The following PGM5 variants were observed in gnomAD, a reference collection of about 807,000 sequenced individuals.
The protein encoded by PGM5 is phosphoglucomutase 5.
Under a neutral mutation model 59.2 loss-of-function variants are expected in PGM5, and 23 were observed. That is an observed-to-expected ratio of 0.39 (90% CI 0.28 to 0.55). The LOEUF (loss-of-function observed/expected upper bound fraction) is 0.55, where lower values mean the gene tolerates loss of function less well. Ranked by LOEUF, PGM5 falls within the 20% of genes least tolerant of loss-of-function variation. The probability of loss-of-function intolerance (pLI) is 0.66; values close to 1 mark genes in which losing one functional copy is unlikely to be tolerated. For synonymous variants in PGM5, 214 were observed against 286.0 expected (o/e 0.75, Z 2.54); for missense variants, 574 against 748.3 (o/e 0.77, Z 2.72).
intron 6 of PGM5, among the ~76,000 whole-genome samples, chr9:68,415,920 TC>T (rs1265893558): frequency 6.6e-6 from 1 of 151,600 alleles, no homozygotes; most frequent in Non-Finnish European, 1.5e-5. Context: ...AATCCCATCC[TC>T]TTTCAGAATA....
At chr9:68,459,795 T>A (rs1823830607) in intron 6 of PGM5, among the ~76,000 whole-genome samples, 2 of 152,248 alleles carry the variant, frequency 1.3e-5, no homozygotes, top group African/African-American at 4.8e-5. Context: ...ATATGCTAAT[T>A]GTTATTTGAA....
At chr9:68,359,147 A>G (rs1554676062) in intron 1 of PGM5, among the ~76,000 whole-genome samples, 1 of 152,124 alleles carries the variant, frequency 6.6e-6, no homozygotes, top group African/African-American at 2.4e-5. Context: ...ATTATGTCTT[A>G]TTATTTCTTG....
intron 9 of PGM5, chr9:68,496,841 C>T (rs1264522369): frequency 6.6e-6 from 1 of 152,162 alleles, no homozygotes; most frequent in African/African-American, 2.4e-5. Context: ...AGGGTTGAGT[C>T]TGGGGGCTCA....
intron 10 of PGM5, among the ~76,000 whole-genome samples, chr9:68,501,128 G>A (rs1255458161): frequency 3.9e-5 from 6 of 152,136 alleles, no homozygotes; most frequent in Non-Finnish European, 7.3e-5. Flanking sequence ...AAGGGTTGGC[G>A]AATCCCTTCA....
At chr9:68,357,774 G>A (rs1159110778) in intron 1 of PGM5, 1 of 270,464 alleles carries the variant, frequency 3.7e-6, no homozygotes, top group Non-Finnish European at 7.1e-6. Context: ...TGTTCCCAAC[G>A]CATTCACTGC....
chr9:68,410,218 G>A (rs1320803211), intron 6 of PGM5, among the ~76,000 whole-genome samples: 1 of 152,228 alleles, frequency 6.6e-6, no homozygotes, highest in Non-Finnish European at 1.5e-5. Context: ...TGACACTTTT[G>A]CATATATCCT....
chr9:68,460,629 A>C (rs1473130544), intron 6 of PGM5, among the ~76,000 whole-genome samples: 1 of 152,228 alleles, frequency 6.6e-6, no homozygotes, highest in Non-Finnish European at 1.5e-5. Context: ...AAATGACTTT[A>C]TATTTTAAAG....
At chr9:68,495,163 C>A (rs756840926) in intron 9 of PGM5, among the ~76,000 whole-genome samples, 3 of 152,158 alleles carry the variant, frequency 2.0e-5, no homozygotes, top group Non-Finnish European at 4.4e-5. Context: ...GTTAACACTG[C>A]GGTGGAAACT....
rs1314763321 is a variant in PGM5, at chr9:68,529,579, C to T, written c.1627C>T (p.Pro543Ser). 3 of 1,595,214 alleles carry T rather than the reference C, an allele frequency of 1.9e-6. No homozygotes were observed. Among genetic ancestry groups the T allele is most frequent in the African/African-American group, 1.3e-5 (1 of 74,644 alleles). ...HDQEPQAVLSPLIAIALKISQ... is the reference protein window; with the variant it reads ...HDQEPQAVLSSLIAIALKISQ... ...TTTCCTTTTGCAGGCAGTGCTGAGC[C>T]CTCTCATAGCCATCGCACTGAAAAT... Residue 543 changes from proline to serine, a missense_variant, in exon 11 of 11, where the codon CCT becomes TCT. Physicochemically the swap from Pro to Ser is moderately conservative, Grantham distance 74. Around this residue, in one of 7 missense-constraint regions of PGM5, gnomAD observed 300 missense variants for 280.0 expected, o/e 1.07. Coordinates refer to ENST00000396396, the MANE Select transcript of PGM5 (RefSeq NM_021965.4).
intron 6 of PGM5, among the ~76,000 whole-genome samples, chr9:68,424,106 AGGAAGGTAAAGCAT>A (rs1823194078): frequency 2.0e-5 from 3 of 152,204 alleles, no homozygotes; most frequent in African/African-American, 7.2e-5. Context: ...ATGATGAACG[AGGAAGGTAAAGCAT>A]CTGGAAAAGT....
chr9:68,454,403 A>T (rs193252180), intron 6 of PGM5, among the ~76,000 whole-genome samples: 8 of 152,264 alleles, frequency 5.3e-5, no homozygotes, highest in Admixed American at 5.2e-4. Context: ...GACCTCATTG[A>T]TACAAGGAGT....
chr9:68,409,214 G>C (rs1822878088), intron 6 of PGM5, among the ~76,000 whole-genome samples: 2 of 144,770 alleles, frequency 1.4e-5, no homozygotes, highest in South Asian at 4.7e-4. Context: ...TCATTAAAAA[G>C]TCAGGAAACA....
intron 6 of PGM5, among the ~76,000 whole-genome samples, chr9:68,403,718 G>A (rs1822733328): frequency 1.3e-5 from 2 of 152,090 alleles, no homozygotes; most frequent in Admixed American, 1.3e-4. Flanking sequence ...CCTTATTTGT[G>A]AGGGCAGGAA....
intron 6 of PGM5, among the ~76,000 whole-genome samples, chr9:68,450,933 C>G (rs553796831): frequency 2.0e-5 from 3 of 152,106 alleles, no homozygotes; most frequent in Admixed American, 6.6e-5. Context: ...TTTGTAGAAC[C>G]TTATGAAAGC....
At chr9:68,457,396 C>T (rs144924348) in intron 6 of PGM5, among the ~76,000 whole-genome samples, 1 of 152,128 alleles carries the variant, frequency 6.6e-6, no homozygotes, top group Non-Finnish European at 1.5e-5. Context: ...ACTGATAATG[C>T]CATTGTATTT....
At chr9:68,428,286 C>T (rs1492823) in intron 6 of PGM5, among the ~76,000 whole-genome samples, 87,099 of 151,930 alleles carry the variant, frequency 0.57, 24,886 homozygotes, top group Admixed American at 0.59. Flanking sequence ...TAATGATTTG[C>T]GAGTTTCAAA....
At chr9:68,397,787 TGGA>T (rs1554680166) in intron 6 of PGM5, 2 of 152,136 alleles carry the variant, frequency 1.3e-5, no homozygotes, top group East Asian at 3.8e-4. Flanking sequence ...GAAGGACTCT[TGGA>T]GGAGATTAGG....
chr9:68,362,970 G>T (rs1834609695), intron 1 of PGM5, among the ~76,000 whole-genome samples: 1 of 147,234 alleles, frequency 6.8e-6, no homozygotes, highest in Non-Finnish European at 1.5e-5. Context: ...CTGGGTTCCA[G>T]TGATTCTCCC....
intron 6 of PGM5, among the ~76,000 whole-genome samples, chr9:68,463,239 G>A (rs1823884758): frequency 6.6e-6 from 1 of 150,756 alleles, no homozygotes; most frequent in Admixed American, 6.6e-5. Context: ...TCATTACTAT[G>A]CGGCGTATTT....
Sources: gnomAD v4.1 joint callset for allele counts (sites outside exome capture counted in the v4.1 genomes callset) on GRCh38, gnomAD v4.1.1 for gene constraint, gnomAD v4.1.1 regional missense constraint, MANE v1.5 for transcripts, NCBI Gene and HGNC (gene_info 2026-07-23, HGNC 2026-07-21) for gene names.